The following RNGTT variants were observed in gnomAD, a reference collection of about 807,000 sequenced individuals.
RNGTT encodes the protein RNA guanylyltransferase and 5'-phosphatase.
A neutral mutation model predicts 79.3 loss-of-function variants in RNGTT; 33 were observed. The observed-to-expected ratio is 0.42, with a 90% CI of 0.32 to 0.56. The LOEUF (loss-of-function observed/expected upper bound fraction) is 0.56. Among genes scored for constraint, RNGTT ranks in the 20% least tolerant of loss-of-function variants. RNGTT has a pLI of 0.17. For missense variants in RNGTT, 497 were observed against 739.1 expected (o/e 0.67, Z 3.80); for synonymous variants, 222 against 235.9 (o/e 0.94, Z 0.54).
At chr6:88,685,305 T>C (rs955654288) in intron 13 of RNGTT, among the ~76,000 whole-genome samples, 2 of 152,144 alleles carry the variant, frequency 1.3e-5, no homozygotes, top group Non-Finnish European at 2.9e-5. Context: ...GTTAGTAATA[T>C]AACCAATTTG....
chr6:88,806,227 G>C (rs527709096), intron 11 of RNGTT, among the ~76,000 whole-genome samples: 9 of 151,982 alleles, frequency 5.9e-5, no homozygotes, highest in Non-Finnish European at 1.3e-4. Context: ...GACAAAGAGA[G>C]GGTCTATATT....
intron 10 of RNGTT, among the ~76,000 whole-genome samples, chr6:88,844,902 A>G (rs954586604): frequency 2.0e-5 from 3 of 152,152 alleles, no homozygotes; most frequent in African/African-American, 7.2e-5. Context: ...AGCCTGGGCA[A>G]CAGAGCAAGA....
intron 1 of RNGTT, among the ~76,000 whole-genome samples, chr6:88,959,432 C>A (rs1785541965): frequency 6.6e-6 from 1 of 152,172 alleles, no homozygotes; most frequent in African/African-American, 2.4e-5. Flanking sequence ...CTCCTCCAAC[C>A]TGCTTCTCTC....
chr6:88,900,869 C>T (rs755412605), intron 6 of RNGTT, among the ~76,000 whole-genome samples: 29 of 151,076 alleles, frequency 1.9e-4, no homozygotes, highest in African/African-American at 2.9e-4. Flanking sequence ...AGGCCAGGCA[C>T]GATGGCTCAC....
chr6:88,963,298 CG>C (rs1412711769), intron 1 of RNGTT, 47 bp downstream of exon 1: 1 of 1,601,752 alleles, frequency 6.2e-7, no homozygotes, highest in African/African-American at 1.3e-5. Flanking sequence ...GGCCCACCCC[CG>C]GGCACGTTGG....
At chr6:88,935,208 T>C (rs1349119533) in intron 2 of RNGTT, among the ~76,000 whole-genome samples, 1 of 152,210 alleles carries the variant, frequency 6.6e-6, no homozygotes, top group East Asian at 1.9e-4. Flanking sequence ...TGTATGTTCT[T>C]GGTGCCTTTG....
intron 11 of RNGTT, among the ~76,000 whole-genome samples, chr6:88,828,889 G>C (rs575192370): frequency 6.6e-6 from 1 of 152,044 alleles, no homozygotes; most frequent in Non-Finnish European, 1.5e-5. Flanking sequence ...GGGACTATGT[G>C]AAAAGACCAA....
intron 11 of RNGTT, among the ~76,000 whole-genome samples, chr6:88,819,183 A>G (rs950802880): frequency 6.6e-6 from 1 of 152,164 alleles, no homozygotes; most frequent in African/African-American, 2.4e-5. Context: ...ATTATATAAA[A>G]CTTAAATATA....
chr6:88,845,680 C>A (rs534378026), intron 10 of RNGTT, among the ~76,000 whole-genome samples: 1 of 152,124 alleles, frequency 6.6e-6, no homozygotes, highest in African/African-American at 2.4e-5. Context: ...ATTAAATATA[C>A]CTTGGGGATG....
At chr6:88,931,382 G>A (rs1413286103) in intron 2 of RNGTT, among the ~76,000 whole-genome samples, 1 of 152,080 alleles carries the variant, frequency 6.6e-6, no homozygotes, top group Non-Finnish European at 1.5e-5. Context: ...CTGAAAGGAT[G>A]TATTAAAAAA....
intron 1 of RNGTT, 54 bp downstream of exon 1, chr6:88,963,292 C>G: frequency 6.3e-7 from 1 of 1,589,612 alleles, no homozygotes; most frequent in South Asian, 1.1e-5. Flanking sequence ...TCAGTCGGCC[C>G]ACCCCCGGGC....
At chr6:88,757,957 T>A (rs1778075670) in intron 13 of RNGTT, among the ~76,000 whole-genome samples, 1 of 152,228 alleles carries the variant, frequency 6.6e-6, no homozygotes, top group African/African-American at 2.4e-5. Context: ...ATCTGTCATA[T>A]AAGCATTATC....
intron 12 of RNGTT, among the ~76,000 whole-genome samples, chr6:88,794,973 C>A (rs904635009): frequency 1.3e-5 from 2 of 152,178 alleles, no homozygotes; most frequent in Non-Finnish European, 2.9e-5. Flanking sequence ...TACCAGAGAA[C>A]TGAAAAATCT....
At chr6:88,826,716 G>C (rs1392981104) in intron 11 of RNGTT, among the ~76,000 whole-genome samples, 2 of 150,482 alleles carry the variant, frequency 1.3e-5, no homozygotes, top group African/African-American at 4.9e-5. Context: ...CTGGGAGGCA[G>C]AGGTTGCGAT....
At chr6:88,788,653 G>A (rs1779307458) in intron 12 of RNGTT, among the ~76,000 whole-genome samples, 1 of 152,140 alleles carries the variant, frequency 6.6e-6, no homozygotes, top group African/African-American at 2.4e-5. Flanking sequence ...TGCTGACCTA[G>A]TAACCTATCC....
chr6:88,635,479 A>AT (rs1411482410), intron 14 of RNGTT, among the ~76,000 whole-genome samples: 1 of 151,962 alleles, frequency 6.6e-6, no homozygotes, highest in Non-Finnish European at 1.5e-5. Context: ...CATATATACA[A>AT]TTGCCCTTAC....
At chr6:88,624,169 T>G (rs553071779) in intron 14 of RNGTT, among the ~76,000 whole-genome samples, 4 of 152,022 alleles carry the variant, frequency 2.6e-5, no homozygotes, top group African/African-American at 9.6e-5. Context: ...TGTCAATTCT[T>G]CCCAAAGTGA....
intron 13 of RNGTT, among the ~76,000 whole-genome samples, chr6:88,765,995 C>T (rs1778448114): frequency 6.6e-6 from 1 of 152,090 alleles, no homozygotes; most frequent in African/African-American, 2.4e-5. Flanking sequence ...GGTAGTATTG[C>T]AGAGGCAGCA....
intron 14 of RNGTT, among the ~76,000 whole-genome samples, chr6:88,675,965 C>T (rs1288591611): frequency 1.3e-5 from 2 of 152,068 alleles, no homozygotes; most frequent in Admixed American, 6.6e-5. Context: ...TTCGATATTG[C>T]TAAAATTTCA....
Sources: allele counts gnomAD v4.1 joint callset (sites outside exome capture counted in the v4.1 genomes callset), GRCh38; gene constraint gnomAD v4.1.1; transcripts MANE v1.5; gene names NCBI Gene and HGNC (gene_info 2026-07-23, HGNC 2026-07-21).